Variants in IFT56 observed in about 807,000 individuals in gnomAD.
IFT56 encodes the protein intraflagellar transport protein 56.
the IFT56 span, chr7:139,189,867 T>C: frequency 6.5e-6 from 1 of 152,788 alleles, no homozygotes; most frequent in Non-Finnish European, 1.5e-5. Flanking sequence ...ATTGGGGAAT[T>C]CCATAAAGGG....
the IFT56 span, among the ~76,000 whole-genome samples, chr7:139,162,626 T>G: frequency 1.3e-5 from 2 of 152,196 alleles, no homozygotes; most frequent in Non-Finnish European, 2.9e-5. Flanking sequence ...CACTTAACAT[T>G]GCTGAGTCTG....
chr7:139,186,340 C>A, the IFT56 span, among the ~76,000 whole-genome samples: 1 of 151,590 alleles, frequency 6.6e-6, no homozygotes, highest in Non-Finnish European at 1.5e-5. Context: ...GCAGGAGGAT[C>A]TCTTGAGCCC....
At chr7:139,173,686 A>G in the IFT56 span, 1 of 772,088 alleles carries the variant, frequency 1.3e-6, no homozygotes, top group Non-Finnish European at 2.4e-6. Context: ...CATGTGGCAT[A>G]GCATGATGGT....
chr7:139,148,726 A>C, the IFT56 span, among the ~76,000 whole-genome samples: 1 of 151,446 alleles, frequency 6.6e-6, no homozygotes, highest in African/African-American at 2.4e-5. Flanking sequence ...GGAGTTTGAG[A>C]CCAGCCTAGC....
chr7:139,186,438 A>AG, the IFT56 span, among the ~76,000 whole-genome samples: 1 of 152,014 alleles, frequency 6.6e-6, no homozygotes, highest in East Asian at 1.9e-4. Flanking sequence ...AAAAAAAAAA[A>AG]AGAATAAAAA....
chr7:139,134,591 T>C, the IFT56 span: 2 of 1,509,384 alleles, frequency 1.3e-6, no homozygotes, highest in Non-Finnish European at 1.8e-6. Context: ...TACAGAGCTG[T>C]CACTCTCAGT....
At chr7:139,181,858 A>G in the IFT56 span, among the ~76,000 whole-genome samples, 3 of 152,328 alleles carry the variant, frequency 2.0e-5, no homozygotes, top group East Asian at 1.9e-4. Context: ...TGGAACCACA[A>G]TCATATATGC....
At chr7:139,178,691 T>G in the IFT56 span, 2 of 1,129,602 alleles carry the variant, frequency 1.8e-6, no homozygotes, top group Non-Finnish European at 2.6e-6. Flanking sequence ...GGGTTAAGGA[T>G]TATTAAAGAT....
chr7:139,173,641 C>CTTTTTT, the IFT56 span: 1 of 784,036 alleles, frequency 1.3e-6, no homozygotes, highest in South Asian at 1.3e-5. Flanking sequence ...GGTCAACATT[C>CTTTTTT]TTTTCTTCTG....
chr7:139,148,288 G>C, the IFT56 span: 1 of 1,613,990 alleles, frequency 6.2e-7, no homozygotes, highest in South Asian at 1.1e-5. Flanking sequence ...AGTTTTGGCT[G>C]TTTACCTTCA....
the IFT56 span, chr7:139,140,109 GA>G: frequency 1.5e-6 from 1 of 679,400 alleles, no homozygotes; most frequent in South Asian, 2.4e-5. Context: ...AAAAAAAATT[GA>G]TATTAGAAAG....
the IFT56 span, among the ~76,000 whole-genome samples, chr7:139,156,694 G>A: frequency 6.6e-6 from 1 of 151,558 alleles, no homozygotes; most frequent in Admixed American, 6.6e-5. Flanking sequence ...TTTTTTCCAT[G>A]AGAATAACTC....
the IFT56 span, among the ~76,000 whole-genome samples, chr7:139,162,928 C>T: frequency 6.6e-6 from 1 of 150,836 alleles, no homozygotes; most frequent in South Asian, 2.1e-4. Context: ...CACTGCACTC[C>T]AGCCTGGGCG....
the IFT56 span, among the ~76,000 whole-genome samples, chr7:139,137,242 A>G: frequency 2.9e-4 from 44 of 152,334 alleles, no homozygotes; most frequent in African/African-American, 9.6e-4. Flanking sequence ...ATTCATAAAT[A>G]TTTGTTCACA....
At chr7:139,168,221 G>T in the IFT56 span, 1 of 563,930 alleles carries the variant, frequency 1.8e-6, no homozygotes, top group Non-Finnish European at 3.0e-6. Flanking sequence ...ATAGAACAGA[G>T]AAAAGTAACT....
chr7:139,172,903 G>A, the IFT56 span: 2 of 709,986 alleles, frequency 2.8e-6, no homozygotes, highest in South Asian at 1.4e-5. Flanking sequence ...ATGCACGGGT[G>A]TCTTCTTTTC....
chr7:139,150,564 A>G, the IFT56 span, among the ~76,000 whole-genome samples: 300 of 152,286 alleles, frequency 2.0e-3, 1 homozygote, highest in African/African-American at 6.8e-3. Context: ...TGATTTTATA[A>G]TGTACTCCAG....
the IFT56 span, chr7:139,180,942 C>T: frequency 1.9e-6 from 1 of 527,384 alleles, no homozygotes; most frequent in Non-Finnish European, 3.3e-6. Context: ...AGGGAGCCAG[C>T]TTAATGCCAA....
the IFT56 span, chr7:139,172,750 C>T: frequency 1.6e-6 from 1 of 632,902 alleles, no homozygotes; most frequent in Non-Finnish European, 3.1e-6. Context: ...GTGGAAGCGG[C>T]TGGTCACCTG....
Sources: allele counts gnomAD v4.1 joint callset (sites outside exome capture counted in the v4.1 genomes callset), GRCh38; gene constraint gnomAD v4.1.1; transcripts MANE v1.5; gene names NCBI Gene and HGNC (gene_info 2026-07-23, HGNC 2026-07-21).